Variants in PCDH11X observed in about 807,000 individuals in gnomAD.
The protein encoded by PCDH11X is protocadherin 11 X-linked, also known as protocadherin-11 X-linked.
PCDH11X carries 18 observed loss-of-function variants against 53.3 expected under a neutral mutation model. The observed-to-expected ratio is 0.34, with a 90% CI of 0.23 to 0.50. The LOEUF is 0.50. PCDH11X is among the 20% of genes least tolerant of loss of function. The pLI is 0.98. For missense variants in PCDH11X, 570 were observed against 1,032.4 expected (o/e 0.55, Z 6.14); for synonymous variants, 279 against 393.3 (o/e 0.71, Z 3.44).
intron 6 of PCDH11X, among the ~76,000 whole-genome samples, chrX:92,077,483 C>T (rs1421398763): frequency 1.8e-5 from 2 of 109,948 alleles, no homozygotes; most frequent in African/African-American, 6.6e-5. Flanking sequence ...TTTCATGCTA[C>T]TTCCAACAAT....
At chrX:92,565,575 C>A (rs1418986269) in intron 10 of PCDH11X, among the ~76,000 whole-genome samples, 8 of 86,808 alleles carry the variant, frequency 9.2e-5, no homozygotes, top group South Asian at 5.3e-4. Flanking sequence ...TTCGTGCAAT[C>A]TAAAAGTCAA....
chrX:92,128,705 T>A, intron 6 of PCDH11X, among the ~76,000 whole-genome samples: 1 of 110,431 alleles, frequency 9.1e-6, no homozygotes. Flanking sequence ...GGCCTCAGCA[T>A]TAGTTTTATA....
In PCDH11X at chrX:92,155,617, CT is replaced by C. The variant is rs775178966; in HGVS notation, c.3034-45734del. 6.4e-4 allele frequency among the ~76,000 whole-genome samples: 51 copies of C among 79,738 alleles called. No individual in the cohort carries two copies. The East Asian group carries it at 8.0e-3, about 13-fold the overall frequency. 69.2% of individuals were successfully genotyped at this position (79,738 alleles called of 115,157 possible). A position where few individuals can be genotyped will look rare whatever the true frequency, so the allele number is the denominator to read the frequency against. On this transcript the variant is annotated intron_variant, in intron 6 of 10. Transcript: ENST00000682573. The stretch of plus-strand genomic sequence containing the variant: ...ACTGTCACCTCAGTTACTTCAATAG[CT>C]TTTTTTTTTTTTTTTTTTTTTTTCC...
intron 9 of PCDH11X, among the ~76,000 whole-genome samples, chrX:92,458,359 A>AT (rs1173196149): frequency 2.0e-5 from 2 of 100,906 alleles, no homozygotes; most frequent in African/African-American, 3.6e-5. Flanking sequence ...AGCCTTTATC[A>AT]TTTTTTTGTT....
chrX:92,297,126 T>C (rs867766543), intron 8 of PCDH11X, among the ~76,000 whole-genome samples: 9 of 105,375 alleles, frequency 8.5e-5, no homozygotes, highest in South Asian at 4.4e-4. Flanking sequence ...TAGTTTCTTT[T>C]GCTATGCAGA....
At chrX:92,361,350 C>G (rs1053709950) in intron 8 of PCDH11X, among the ~76,000 whole-genome samples, 3 of 111,391 alleles carry the variant, frequency 2.7e-5, no homozygotes, top group African/African-American at 9.8e-5. Flanking sequence ...CTAAGCCCTA[C>G]TTTTTCTTCA....
intron 8 of PCDH11X, among the ~76,000 whole-genome samples, chrX:92,290,308 A>G (rs1198760330): frequency 1.8e-5 from 2 of 111,490 alleles, no homozygotes; most frequent in Non-Finnish European, 3.8e-5. Context: ...TCAGTGTATC[A>G]CTTTCACGGA....
chrX:92,597,417 CAAATT>C (rs1203080298), intron 10 of PCDH11X, among the ~76,000 whole-genome samples: 1 of 110,656 alleles, frequency 9.0e-6, no homozygotes, highest in Non-Finnish European at 1.9e-5. Context: ...AAAAAGTAGT[CAAATT>C]AATAATAGCC....
intron 6 of PCDH11X, among the ~76,000 whole-genome samples, chrX:92,193,361 T>C (rs780721359): frequency 9.0e-6 from 1 of 111,381 alleles, no homozygotes; most frequent in Non-Finnish European, 1.9e-5. Flanking sequence ...CAGTAAAGTA[T>C]GTATAACTTT....
intron 6 of PCDH11X, among the ~76,000 whole-genome samples, chrX:92,100,235 T>G (rs1291708337): frequency 1.8e-5 from 2 of 111,568 alleles, no homozygotes; most frequent in Non-Finnish European, 3.8e-5. Flanking sequence ...CATATATCCT[T>G]CCTTTCATGC....
chrX:92,034,707 T>C (rs2063103406), intron 6 of PCDH11X, among the ~76,000 whole-genome samples: 1 of 110,476 alleles, frequency 9.1e-6, no homozygotes, highest in Non-Finnish European at 1.9e-5. Flanking sequence ...AGCTGTTTTA[T>C]GCCTTTTGAT....
chrX:92,417,326 C>G (rs750511498), intron 9 of PCDH11X, among the ~76,000 whole-genome samples: 2 of 110,693 alleles, frequency 1.8e-5, no homozygotes, highest in South Asian at 3.8e-4. Flanking sequence ...ACCTAGCAAG[C>G]CTATAGCTGC....
intron 5 of PCDH11X, among the ~76,000 whole-genome samples, chrX:91,874,358 A>G (rs1195161000): frequency 1.8e-5 from 2 of 110,568 alleles, no homozygotes; most frequent in Non-Finnish European, 1.9e-5. Context: ...ATTTTCAAAT[A>G]TAAATACGTA....
intron 8 of PCDH11X, among the ~76,000 whole-genome samples, chrX:92,315,096 A>G (rs1285580039): frequency 8.9e-6 from 1 of 111,773 alleles, no homozygotes; most frequent in South Asian, 3.8e-4. Context: ...AGAAAAGTGC[A>G]ATCAATATGT....
chrX:91,974,593 G>T (rs1333807049), intron 6 of PCDH11X, among the ~76,000 whole-genome samples: 21 of 109,748 alleles, frequency 1.9e-4, no homozygotes, highest in African/African-American at 6.9e-4. Flanking sequence ...TGAACTAGGG[G>T]GCAGTGATAG....
At chrX:92,450,773 T>A (rs2148646359) in intron 9 of PCDH11X, among the ~76,000 whole-genome samples, 1 of 105,777 alleles carries the variant, frequency 9.5e-6, no homozygotes, top group African/African-American at 3.4e-5. Context: ...TATATGAGAT[T>A]TTAATTAAAT....
At chrX:92,406,928 TAAAA>T (rs765455608) in intron 9 of PCDH11X, among the ~76,000 whole-genome samples, 5 of 54,429 alleles carry the variant, frequency 9.2e-5, no homozygotes, top group Non-Finnish European at 1.6e-4. Flanking sequence ...TTCCATCTCA[TAAAA>T]AAAAAAAAAA....
In PCDH11X at chrX:92,572,840, C is replaced by A. The variant is rs764405051; in HGVS notation, c.3368-45424C>A. Among the ~76,000 whole-genome samples, 80 of 103,096 alleles carry A rather than the reference C, an allele frequency of 7.8e-4. 2 individuals are homozygous for A. Among genetic ancestry groups the A allele is most frequent in the South Asian group, 2.5e-3 (6 of 2,447 alleles). 89.5% of individuals were successfully genotyped at this position (103,096 alleles called of 115,157 possible). A position where few individuals can be genotyped will look rare whatever the true frequency, so the allele number is the denominator to read the frequency against. Reference sequence around the variant, plus strand: ...CAGAGGTTTCAATGAGCCGAGATCACGGCACTGCACTTTAGCCTGGGTGAC... The same window carrying A: ...CAGAGGTTTCAATGAGCCGAGATCAAGGCACTGCACTTTAGCCTGGGTGAC... On this transcript the variant is annotated intron_variant, in intron 10 of 10. Coordinates refer to ENST00000682573, the MANE Select transcript of PCDH11X (RefSeq NM_032968.5).
intron 8 of PCDH11X, among the ~76,000 whole-genome samples, chrX:92,272,942 C>A (rs989508622): frequency 9.8e-5 from 11 of 112,756 alleles, no homozygotes; most frequent in Non-Finnish European, 1.9e-4. Context: ...ATTCCACTTA[C>A]ATATACTTAG....
Sources: allele counts gnomAD v4.1 joint callset (sites outside exome capture counted in the v4.1 genomes callset), GRCh38; gene constraint gnomAD v4.1.1; transcripts MANE v1.5; gene names NCBI Gene and HGNC (gene_info 2026-07-23, HGNC 2026-07-21).